The following SH3PXD2A variants were observed in gnomAD, a reference collection of about 807,000 sequenced individuals.
SH3PXD2A encodes the protein SH3 and PX domains 2A.
Under a neutral mutation model 115.2 loss-of-function variants are expected in SH3PXD2A, and 32 were observed. The ratio of observed to expected loss-of-function variants is 0.28; its 90% CI spans 0.21 to 0.37. SH3PXD2A has a LOEUF of 0.37. Ranked by LOEUF, SH3PXD2A falls within the 10% of genes least tolerant of loss-of-function variation. The pLI is 1.00. For synonymous variants in SH3PXD2A, 610 were observed against 629.1 expected (o/e 0.97, Z 0.45); for missense variants, 1,328 against 1,498.7 (o/e 0.89, Z 1.88).
chr10:103,649,089 T>G (rs1242650456), intron 8 of SH3PXD2A, among the ~76,000 whole-genome samples: 6 of 152,142 alleles, frequency 3.9e-5, no homozygotes, highest in African/African-American at 1.4e-4. Context: ...CAAATTCCCC[T>G]CGCCTGCTCC....
intron 3 of SH3PXD2A, among the ~76,000 whole-genome samples, chr10:103,744,395 C>T (rs567981815): frequency 2.6e-5 from 4 of 151,902 alleles, no homozygotes; most frequent in South Asian, 2.1e-4. Flanking sequence ...TCAGGTGATC[C>T]GCCCGCCTCA....
At chr10:103,758,629 G>A (rs912741327) in intron 3 of SH3PXD2A, among the ~76,000 whole-genome samples, 1 of 152,236 alleles carries the variant, frequency 6.6e-6, no homozygotes, top group Admixed American at 6.5e-5. Context: ...TCCACGCTGT[G>A]TTCAGAGTCA....
chr10:103,728,297 G>A (rs556990114), intron 4 of SH3PXD2A, among the ~76,000 whole-genome samples: 2 of 152,328 alleles, frequency 1.3e-5, no homozygotes, highest in East Asian at 1.9e-4. Context: ...ATGAGAAGCC[G>A]AGCACAGTGG....
chr10:103,778,692 G>A (rs2134238508), intron 2 of SH3PXD2A, among the ~76,000 whole-genome samples: 1 of 152,354 alleles, frequency 6.6e-6, no homozygotes, highest in Middle Eastern at 3.4e-3. Context: ...AGAGACTCCG[G>A]TGGTGTTTCC....
chr10:103,817,601 A>G (rs1245280472), intron 1 of SH3PXD2A, among the ~76,000 whole-genome samples: 1 of 152,120 alleles, frequency 6.6e-6, no homozygotes, highest in African/African-American at 2.4e-5. Flanking sequence ...TTGGCCTCCC[A>G]AAGTGCTGGG....
rs1035025672 is a variant in SH3PXD2A at position 103,783,997 on chromosome 10, T to TG, written c.154-16829_154-16828insC. Among the ~76,000 whole-genome samples the TG allele has an allele frequency of 1.5e-4, 23 of 152,082 alleles. 1 individual carries two copies. Among genetic ancestry groups the TG allele is most frequent in the Admixed American group, 1.4e-3 (22 of 15,284 alleles). ...GGACCTGGGAATGCAACAGGAAAAG[T>TG]CCCCCCGCAAAGCTTGCTGTCTTCC... On this transcript the variant is annotated intron_variant, in intron 2 of 14. Transcript: ENST00000369774.
At chr10:103,603,846 T>A in intron 14 of SH3PXD2A, 57 bp from the exon 15 acceptor site, 1 of 1,499,076 alleles carries the variant, frequency 6.7e-7, no homozygotes, top group Non-Finnish European at 8.9e-7. Context: ...CCCTATGACA[T>A]CCCAAGGTAG....
intron 6 of SH3PXD2A, among the ~76,000 whole-genome samples, chr10:103,671,729 G>A (rs2037462696): frequency 6.6e-6 from 1 of 152,184 alleles, no homozygotes; most frequent in African/African-American, 2.4e-5. Context: ...GGGAAGACGG[G>A]GAGTTGGAGA....
At chr10:103,820,514 C>T (rs985201464) in intron 1 of SH3PXD2A, among the ~76,000 whole-genome samples, 1 of 152,174 alleles carries the variant, frequency 6.6e-6, no homozygotes, top group Non-Finnish European at 1.5e-5. Context: ...AGCCAGCCCT[C>T]CTCCCCCAGT....
chr10:103,596,702 C>T lies in SH3PXD2A; in HGVS notation c.*5114G>A, dbSNP rs2036142081. The T allele has an allele frequency of 6.9e-6, 1 of 145,276 alleles. No homozygotes were observed. The highest frequency in any genetic ancestry group is 2.6e-5 in the African/African-American group (1 of 38,868). The allele number at this position is 145,276 out of a possible 1,614,324, so 9.0% of individuals were successfully genotyped here. ...TCTCTCTCTCACAACACATGGCCCT[C>T]AAAAAAGTGAGGGAATCTTAATTAT... is the stretch of plus-strand genomic sequence containing the variant. On this transcript the variant is annotated 3_prime_UTR_variant, in exon 15 of 15. Transcript: ENST00000369774.
intron 2 of SH3PXD2A, among the ~76,000 whole-genome samples, chr10:103,791,391 G>C (rs991423822): frequency 6.6e-6 from 1 of 152,192 alleles, no homozygotes; most frequent in African/African-American, 2.4e-5. Context: ...GGCTCACAGA[G>C]CGAGTCCTCA....
chr10:103,608,151 A>AAAAAAAAAAAAAAAAAAAGTTTAC (rs1554903077), intron 13 of SH3PXD2A, among the ~76,000 whole-genome samples: 164 of 71,288 alleles, frequency 2.3e-3, no homozygotes, highest in Non-Finnish European at 3.8e-3. Flanking sequence ...TGATCAATTT[A>AAAAAAAAAAAAAAAAAAAGTTTAC]AAAAAAAAAA....
intron 8 of SH3PXD2A, among the ~76,000 whole-genome samples, chr10:103,631,589 G>A (rs1443620156): frequency 6.6e-6 from 1 of 152,136 alleles, no homozygotes; most frequent in East Asian, 1.9e-4. Context: ...CCCCCATCGT[G>A]AGCCAAATCT....
chr10:103,854,667 T>C (rs1182010607), intron 1 of SH3PXD2A, among the ~76,000 whole-genome samples: 3 of 152,194 alleles, frequency 2.0e-5, no homozygotes, highest in Non-Finnish European at 2.9e-5. Context: ...AAATCAAAGC[T>C]TAGCGCGGAG....
intron 3 of SH3PXD2A, among the ~76,000 whole-genome samples, chr10:103,761,574 A>G (rs2038700092): frequency 2.0e-5 from 3 of 152,208 alleles, no homozygotes; most frequent in Non-Finnish European, 4.4e-5. Flanking sequence ...GCTGGTGAGT[A>G]ATTACCTCGG....
chr10:103,690,367 G>A (rs2145309), intron 6 of SH3PXD2A, among the ~76,000 whole-genome samples: 35,586 of 152,164 alleles, frequency 0.23, 5,007 homozygotes, highest in Non-Finnish European at 0.31. Flanking sequence ...AATGGGAGGT[G>A]CATAGAGAGC....
chr10:103,830,932 G>A (rs894944611), intron 1 of SH3PXD2A, among the ~76,000 whole-genome samples: 16 of 152,126 alleles, frequency 1.1e-4, no homozygotes, highest in African/African-American at 3.1e-4. Context: ...GTGAGAATAC[G>A]CAATAAATTG....
chr10:103,838,569 AG>A (rs34970927), intron 1 of SH3PXD2A, among the ~76,000 whole-genome samples: 27,612 of 152,190 alleles, frequency 0.18, 3,373 homozygotes, highest in Non-Finnish European at 0.27. Context: ...CTAATGTGTC[AG>A]AAGGCAGCAC....
intron 5 of SH3PXD2A, among the ~76,000 whole-genome samples, chr10:103,712,394 G>C (rs1285165266): frequency 1.3e-5 from 2 of 152,202 alleles, no homozygotes; most frequent in Non-Finnish European, 2.9e-5. Context: ...CAAGGGCTCA[G>C]TCTGTGGTTT....
Sources: allele counts gnomAD v4.1 joint callset (sites outside exome capture counted in the v4.1 genomes callset), GRCh38; gene constraint gnomAD v4.1.1; transcripts MANE v1.5; gene names NCBI Gene and HGNC (gene_info 2026-07-23, HGNC 2026-07-21).